The following ANO4 variants were observed in gnomAD, a reference collection of about 807,000 sequenced individuals.
ANO4 encodes the protein anoctamin-4.
Under a neutral mutation model 141.9 loss-of-function variants are expected in ANO4, and 69 were observed. That is an observed-to-expected ratio of 0.49 (90% CI 0.40 to 0.59). The LOEUF is 0.59. ANO4 is among the 20% of genes least tolerant of loss of function. ANO4 has a pLI of 0.00. For synonymous variants in ANO4, 350 were observed against 394.3 expected, an observed-to-expected ratio of 0.89 and a Z score of 1.33; for missense variants, 894 against 1,162.2, an observed-to-expected ratio of 0.77 and a Z score of 3.36.
At chr12:100,975,940 AAAAAG>A (rs1249499321) in intron 7 of ANO4, among the ~76,000 whole-genome samples, 40 of 116,184 alleles carry the variant, frequency 3.4e-4, no homozygotes, top group South Asian at 6.0e-4. Flanking sequence ...CCAAAAAAAA[AAAAAG>A]AAAAAAAAAA....
chr12:101,039,996 A>G lies in ANO4; in HGVS notation c.939A>G (p.Ala313=), dbSNP rs113453785. The part of the protein sequence containing the change: ...RSKNSIRTHG[A]ENHRHLLYEC... ...AAAACTCCATTCGAACCCATGGAGC[A>G]GAAAACCACCGACATCTACTCTATG... Residue 313 remains alanine, a synonymous_variant, in exon 11 of 28, where the codon GCA becomes GCG. Coordinates refer to ENST00000392977, the MANE Select transcript of ANO4 (RefSeq NM_001286615.2). The G allele has an allele frequency of 6.4e-7, 1 of 1,573,440 alleles. No homozygotes were observed. Among genetic ancestry groups the G allele is most frequent in the South Asian group, 1.2e-5 (1 of 86,532 alleles).
At chr12:100,971,881 T>C (rs193201414) in intron 6 of ANO4, among the ~76,000 whole-genome samples, 2 of 152,352 alleles carry the variant, frequency 1.3e-5, no homozygotes, top group Admixed American at 1.3e-4. Context: ...AAAACCACTT[T>C]TTTTAATTTT....
rs1382161269 is a variant in ANO4 at position 101,072,221 on chromosome 12, C to G, written c.1313-6972C>G. On this transcript the variant is annotated intron_variant, in intron 14 of 27. Transcript: ENST00000392977. ...TCCCCTTCTGGATCTTCAGCATTCT[C>G]TCTCTTCATTCAGCTAAAGTATAAA... Among the ~76,000 whole-genome samples, 6 of 152,168 alleles carry G rather than the reference C, an allele frequency of 3.9e-5. No homozygotes were observed. In the East Asian group the frequency reaches 1.2e-3, roughly 29 times the overall value.
At chr12:100,966,093 T>C (rs956359488) in intron 5 of ANO4, among the ~76,000 whole-genome samples, 1 of 152,102 alleles carries the variant, frequency 6.6e-6, no homozygotes, top group Non-Finnish European at 1.5e-5. Flanking sequence ...TTTCTGGTGG[T>C]TCGGGCTTGT....
At chr12:100,977,362 T>C (rs1337386664) in intron 7 of ANO4, among the ~76,000 whole-genome samples, 1 of 152,132 alleles carries the variant, frequency 6.6e-6, no homozygotes, top group Non-Finnish European at 1.5e-5. Context: ...ATACAGGCAT[T>C]GGCTCTACTT....
At chr12:100,974,303 G>T (rs1187155387) in intron 6 of ANO4, among the ~76,000 whole-genome samples, 1 of 152,038 alleles carries the variant, frequency 6.6e-6, no homozygotes, top group Non-Finnish European at 1.5e-5. Flanking sequence ...GTACAGCTGG[G>T]TGTTGATGCT....
chr12:101,074,448 T>C (rs1485611742), intron 14 of ANO4, among the ~76,000 whole-genome samples: 1 of 152,194 alleles, frequency 6.6e-6, no homozygotes, highest in Admixed American at 6.5e-5. Context: ...ACACATCATA[T>C]CACCTGTGCT....
At chr12:101,102,843 GGTA>G in intron 22 of ANO4, among the ~76,000 whole-genome samples, 1 of 151,630 alleles carries the variant, frequency 6.6e-6, no homozygotes, top group South Asian at 2.1e-4. Flanking sequence ...CCATGAAAAT[GGTA>G]TACCTTTGCA....
At chr12:100,982,737 T>C (rs1407810664) in intron 7 of ANO4, among the ~76,000 whole-genome samples, 4 of 152,218 alleles carry the variant, frequency 2.6e-5, no homozygotes, top group Non-Finnish European at 5.9e-5. Context: ...GGAATGTGAA[T>C]CATCAGCTTC....
intron 3 of ANO4, among the ~76,000 whole-genome samples, chr12:100,769,008 G>A (rs1173256631): frequency 6.6e-6 from 1 of 152,060 alleles, no homozygotes; most frequent in African/African-American, 2.4e-5. Context: ...CATCTGTTCA[G>A]GTAGCTATTT....
intron 5 of ANO4, among the ~76,000 whole-genome samples, chr12:100,953,195 G>A (rs1449363291): frequency 6.6e-6 from 1 of 152,176 alleles, no homozygotes; most frequent in Admixed American, 6.5e-5. Context: ...TGATACTTTT[G>A]CTCCTGCTGT....
At chr12:101,065,030 G>A (rs977087737) in intron 14 of ANO4, among the ~76,000 whole-genome samples, 1 of 152,138 alleles carries the variant, frequency 6.6e-6, no homozygotes, top group Non-Finnish European at 1.5e-5. Context: ...TGTCATCGAA[G>A]TGCAAGAGTA....
intron 3 of ANO4, among the ~76,000 whole-genome samples, chr12:100,753,398 T>G (rs2032469659): frequency 1.3e-5 from 2 of 152,204 alleles, no homozygotes; most frequent in Non-Finnish European, 2.9e-5. Context: ...TGGGCTCAGA[T>G]CTGAGTCCTT....
intron 17 of ANO4, among the ~76,000 whole-genome samples, chr12:101,087,845 A>T (rs1276773386): frequency 6.6e-6 from 1 of 152,124 alleles, no homozygotes; most frequent in Non-Finnish European, 1.5e-5. Flanking sequence ...ATGTATCCAG[A>T]ATTTGATCAC....
chr12:100,804,711 A>G (rs750905228), intron 1 of ANO4, among the ~76,000 whole-genome samples: 7 of 152,108 alleles, frequency 4.6e-5, no homozygotes, highest in Non-Finnish European at 7.4e-5. Context: ...AGCGATGCTG[A>G]GTTTTTTTCA....
intron 1 of ANO4, among the ~76,000 whole-genome samples, chr12:100,805,321 G>A (rs2034940185): frequency 2.0e-5 from 3 of 152,042 alleles, no homozygotes; most frequent in African/African-American, 7.2e-5. Context: ...GTCTGTTTTT[G>A]TACCAGTACC....
intron 1 of ANO4, among the ~76,000 whole-genome samples, chr12:100,891,986 C>A (rs2040131031): frequency 6.6e-6 from 1 of 152,224 alleles, no homozygotes; most frequent in African/African-American, 2.4e-5. Flanking sequence ...CCACAAATAA[C>A]TGAGATCATG....
chr12:100,907,530 C>G (rs1188677219), intron 2 of ANO4, among the ~76,000 whole-genome samples: 1 of 152,212 alleles, frequency 6.6e-6, no homozygotes. Flanking sequence ...GAACTCTCCT[C>G]AATTCATCTT....
At position 100,733,772 on chromosome 12, in the gene ANO4, A is replaced by C; in HGVS notation, c.23-2A>C. 1 of 700,058 alleles carries C rather than the reference A, an allele frequency of 1.4e-6. No homozygotes were observed. The highest frequency in any genetic ancestry group is 2.6e-6 in the Non-Finnish European group (1 of 383,974). The allele number at this position is 700,058 out of a possible 1,614,324, so 43.4% of individuals were successfully genotyped here. A position where few individuals can be genotyped will look rare whatever the true frequency, so the allele number is the denominator to read the frequency against. ...CCTTCTTGTCTTTTATTTTCTTAAC[A>C]GACAAAGATGTGAGCAGCGGAAGTT... is the stretch of plus-strand genomic sequence containing the variant. On this transcript the variant is annotated splice_acceptor_variant, in intron 1 of 29. Transcript: ENST00000644049. LOFTEE classifies it high-confidence loss of function.
Sources: allele counts gnomAD v4.1 joint callset (sites outside exome capture counted in the v4.1 genomes callset), GRCh38; gene constraint gnomAD v4.1.1; transcripts MANE v1.5; gene names NCBI Gene and HGNC (gene_info 2026-07-23, HGNC 2026-07-21).